The following PRKN variants were observed in gnomAD, a reference collection of about 807,000 sequenced individuals.
PRKN encodes the protein parkin RBR E3 ubiquitin protein ligase.
In PRKN, 56 loss-of-function variants were observed where a neutral mutation model predicts 59.5. The observed-to-expected ratio is 0.94, with a 90% CI of 0.76 to 1.18. The LOEUF (loss-of-function observed/expected upper bound fraction) is 1.18, where lower values mean the gene tolerates loss of function less well. Among genes scored for constraint, PRKN ranks in the 50% most tolerant of loss-of-function variants. PRKN has a pLI of 0.00. For missense variants in PRKN, 657 were observed against 596.4 expected (o/e 1.10, Z -1.06); for synonymous variants, 250 against 222.1 (o/e 1.13, Z -1.12).
At chr6:162,404,124 C>A (rs563076542) in intron 2 of PRKN, among the ~76,000 whole-genome samples, 1 of 152,014 alleles carries the variant, frequency 6.6e-6, no homozygotes, top group South Asian at 2.1e-4. Context: ...GTAATCCCAG[C>A]ACTTTGGGAG....
At chr6:162,285,233 C>T (rs1331462426) in intron 2 of PRKN, among the ~76,000 whole-genome samples, 1 of 147,738 alleles carries the variant, frequency 6.8e-6, no homozygotes, top group Non-Finnish European at 1.5e-5. Flanking sequence ...TAGCAGCAGG[C>T]ATGTATCAGG....
intron 1 of PRKN, among the ~76,000 whole-genome samples, chr6:162,624,068 G>A (rs1484190151): frequency 6.6e-6 from 1 of 151,192 alleles, no homozygotes; most frequent in Non-Finnish European, 1.5e-5. Flanking sequence ...GGCTAACATG[G>A]TGAAACCCTG....
intron 3 of PRKN, among the ~76,000 whole-genome samples, chr6:162,217,575 A>G (rs1260109865): frequency 1.3e-5 from 2 of 152,098 alleles, no homozygotes; most frequent in East Asian, 3.9e-4. Context: ...TATTTTTAGT[A>G]GAGATGGGGT....
intron 6 of PRKN, among the ~76,000 whole-genome samples, chr6:161,934,295 C>T (rs569825487): frequency 7.2e-5 from 11 of 152,186 alleles, no homozygotes; most frequent in East Asian, 3.9e-4. Flanking sequence ...AACTGTGAGT[C>T]AATTAAACCT....
At chr6:162,229,584 A>T (rs1778331044) in intron 3 of PRKN, among the ~76,000 whole-genome samples, 2 of 152,132 alleles carry the variant, frequency 1.3e-5, no homozygotes, top group African/African-American at 4.8e-5. Context: ...CTTTACACAC[A>T]TCTGCCCCTG....
At chr6:161,787,870 C>T (rs564521920) in intron 6 of PRKN, among the ~76,000 whole-genome samples, 21 of 152,156 alleles carry the variant, frequency 1.4e-4, no homozygotes, top group Non-Finnish European at 2.4e-4. Flanking sequence ...GGCATGAACG[C>T]GGGAGCTTGC....
chr6:161,999,294 G>A (rs1781958762), intron 5 of PRKN, among the ~76,000 whole-genome samples: 1 of 152,084 alleles, frequency 6.6e-6, no homozygotes, highest in Non-Finnish European at 1.5e-5. Flanking sequence ...CGGAGGAGAT[G>A]TCACTGCAAT....
chr6:162,547,071 C>T (rs986219202), intron 1 of PRKN, among the ~76,000 whole-genome samples: 1 of 152,112 alleles, frequency 6.6e-6, no homozygotes, highest in Non-Finnish European at 1.5e-5. Context: ...AAACATATGC[C>T]AATCACAACA....
At chr6:161,674,320 C>G (rs1310161825) in intron 7 of PRKN, among the ~76,000 whole-genome samples, 1 of 151,828 alleles carries the variant, frequency 6.6e-6, no homozygotes, top group Non-Finnish European at 1.5e-5. Flanking sequence ...AATCTAGTAT[C>G]TCAAATAAAT....
Position 161,488,311 on chromosome 6 carries a change from G to C in PRKN, c.1083+60543C>G, listed in dbSNP as rs1016055839. 6.6e-6 allele frequency among the ~76,000 whole-genome samples: 1 copy of C among 152,134 alleles called. No individual in the cohort carries two copies. ...CATTGTCAACAAGGGGAAAGTGATC[G>C]GGCCGAGGACAGAAGGCCAGGTCAC... On this transcript the variant is annotated intron_variant, in intron 9 of 11. Coordinates refer to ENST00000366898, the MANE Select transcript of PRKN (RefSeq NM_004562.3). The surrounding 1 kb of genome is among the most constrained non-coding windows in gnomAD (Gnocchi z 4.5).
At chr6:161,776,706 A>G (rs1252623095) in intron 7 of PRKN, among the ~76,000 whole-genome samples, 2 of 152,144 alleles carry the variant, frequency 1.3e-5, no homozygotes, top group Non-Finnish European at 2.9e-5. Context: ...GTAACTGAAA[A>G]GCATATCTGG....
At chr6:162,156,927 C>A (rs1054794329) in intron 4 of PRKN, among the ~76,000 whole-genome samples, 1 of 152,064 alleles carries the variant, frequency 6.6e-6, no homozygotes, top group Admixed American at 6.6e-5. Context: ...ATCCCCTTGA[C>A]GTTAGGCACT....
chr6:162,355,388 AATCT>A (rs534864850), intron 2 of PRKN, among the ~76,000 whole-genome samples: 229 of 151,468 alleles, frequency 1.5e-3, no homozygotes, highest in Non-Finnish European at 2.1e-3. Flanking sequence ...CACCATCTGT[AATCT>A]ATCTATCTAT....
intron 1 of PRKN, among the ~76,000 whole-genome samples, chr6:162,508,934 C>T (rs905649861): frequency 2.0e-5 from 3 of 152,092 alleles, no homozygotes; most frequent in African/African-American, 7.2e-5. Context: ...GCAGAGAAGA[C>T]TTCATAGAGA....
rs1583335111 is a variant in PRKN, at chr6:162,298,391, T to C, written c.172-35626A>G. Among the ~76,000 whole-genome samples the C allele has an allele frequency of 2.0e-5, 3 of 152,222 alleles. No individual in the cohort carries two copies. In the South Asian group the frequency reaches 6.2e-4, roughly 32 times the overall value. On this transcript the variant is annotated intron_variant, in intron 2 of 11. Coordinates refer to ENST00000366898, the MANE Select transcript of PRKN (RefSeq NM_004562.3). Reference sequence around the variant, plus strand: ...TAACAATAGTAACAGCTTCGCACCATGAATAGTTCAGGTGTCTTGACATCC... The same window carrying C: ...TAACAATAGTAACAGCTTCGCACCACGAATAGTTCAGGTGTCTTGACATCC...
At chr6:161,509,961 G>A (rs1328498221) in intron 9 of PRKN, among the ~76,000 whole-genome samples, 1 of 149,720 alleles carries the variant, frequency 6.7e-6, no homozygotes, top group Non-Finnish European at 1.5e-5. Context: ...TTAATCCATT[G>A]TGCAGCTCAA....
intron 7 of PRKN, among the ~76,000 whole-genome samples, chr6:161,620,349 T>G (rs1208854232): frequency 6.6e-6 from 1 of 152,070 alleles, no homozygotes; most frequent in Non-Finnish European, 1.5e-5. Context: ...GATCCTTGAC[T>G]CCCACGCTGT....
chr6:161,660,272 T>A (rs1784495369), intron 7 of PRKN, among the ~76,000 whole-genome samples: 1 of 152,168 alleles, frequency 6.6e-6, no homozygotes, highest in Non-Finnish European at 1.5e-5. Context: ...AGCAGTGCTC[T>A]GAAAGCCTGG....
At chr6:161,866,284 C>A (rs1002024890) in intron 6 of PRKN, among the ~76,000 whole-genome samples, 1 of 151,930 alleles carries the variant, frequency 6.6e-6, no homozygotes, top group African/African-American at 2.4e-5. Context: ...GTGAAAATTA[C>A]CAAAATGTTG....
Sources: gnomAD v4.1 joint callset for allele counts (sites outside exome capture counted in the v4.1 genomes callset) on GRCh38, gnomAD v4.1.1 for gene constraint, Gnocchi (gnomAD v3.1) non-coding constraint, MANE v1.5 for transcripts, NCBI Gene and HGNC (gene_info 2026-07-23, HGNC 2026-07-21) for gene names.